The following RREB1 variants were observed in gnomAD, a reference collection of about 807,000 sequenced individuals.
RREB1 encodes the protein ras responsive element binding protein 1.
Under a neutral mutation model 117.8 loss-of-function variants are expected in RREB1, and 27 were observed. The ratio of observed to expected loss-of-function variants is 0.23; its 90% CI spans 0.17 to 0.32. RREB1 has a LOEUF of 0.32. RREB1 is among the 10% of genes least tolerant of loss of function. The pLI is 1.00. For synonymous variants in RREB1, 1,298 were observed against 1,026.7 expected (o/e 1.26, Z -5.05); for missense variants, 2,577 against 2,378.2 (o/e 1.08, Z -1.74).
At chr6:7,110,820 C>T (rs1761106334) in intron 1 of RREB1, among the ~76,000 whole-genome samples, 1 of 152,138 alleles carries the variant, frequency 6.6e-6, no homozygotes, top group Non-Finnish European at 1.5e-5. Flanking sequence ...GTGTAATACT[C>T]TTAAGAAATG....
chr6:7,203,283 G>A (rs1048160168), intron 6 of RREB1, among the ~76,000 whole-genome samples: 1 of 152,202 alleles, frequency 6.6e-6, no homozygotes, highest in Non-Finnish European at 1.5e-5. Context: ...CCTTGGCCCA[G>A]GAGTTTGAGG....
At chr6:7,227,214 C>T (rs745613089) in intron 9 of RREB1, among the ~76,000 whole-genome samples, 7 of 151,974 alleles carry the variant, frequency 4.6e-5, no homozygotes, top group African/African-American at 1.7e-4. Context: ...TGCACTCCAG[C>T]GTGGGTGGCA....
At chr6:7,206,397 C>CT (rs1448107351) in intron 6 of RREB1, among the ~76,000 whole-genome samples, 1 of 152,228 alleles carries the variant, frequency 6.6e-6, no homozygotes, top group African/African-American at 2.4e-5. Flanking sequence ...TAGTAATACT[C>CT]TGAGTGAAGC....
Position 7,246,451 on chromosome 6 carries a change from C to T in RREB1, c.4001C>T (p.Ala1334Val), listed in dbSNP as rs1028105322. The change falls in exon 12 of 13, where the codon GCC (alanine) becomes GTC (valine). Residue 1334 changes from alanine (A) to valine (V), a missense_variant. By Grantham distance (64) the Ala-to-Val change is moderately conservative (BLOSUM62 0). Coordinates refer to ENST00000379938, the MANE Select transcript of RREB1 (RefSeq NM_001003699.4). ...AGTCAGTCGGATGCGGAGACTGCAG[C>T]CGCCGCGGGCGAAGTGCTAGACCTC... ...TDSQSDAETA[A>V]AAGEVLDLTS... is the part of the protein sequence containing the mutation. 3.3e-6 allele frequency: 5 copies of T among 1,502,498 alleles called. No homozygotes were observed. In the African/African-American group the frequency reaches 4.2e-5, roughly 12 times the overall value. The allele number at this position is 1,502,498 out of a possible 1,614,324, so 93.1% of individuals were successfully genotyped here.
chr6:7,148,326 C>T (rs1343903088), intron 1 of RREB1, among the ~76,000 whole-genome samples: 6 of 152,198 alleles, frequency 3.9e-5, no homozygotes, highest in East Asian at 1.9e-4. Flanking sequence ...CAGAAGGAGA[C>T]ACATTGACAA....
At chr6:7,181,280 C>CCCAGGA (rs1764780809) in intron 3 of RREB1, 34 bp downstream of exon 3, 1 of 398,578 alleles carries the variant, frequency 2.5e-6, no homozygotes, top group South Asian at 1.3e-4. Context: ...GTTCTTCTTT[C>CCCAGGA]CCTCCTAGGG....
At chr6:7,187,337 A>G (rs553052629) in intron 4 of RREB1, 97 bp from the exon 5 acceptor site, 22 of 613,390 alleles carry the variant, frequency 3.6e-5, no homozygotes, top group Non-Finnish European at 6.1e-5. Context: ...GCTCTCAGCT[A>G]CATAGACACA....
Position 7,231,025 on chromosome 6 carries a change from G to A in RREB1, c.2926G>A (p.Gly976Ser), listed in dbSNP as rs952084282. The A allele has an allele frequency of 1.2e-5, 20 of 1,613,908 alleles. No individual in the cohort carries two copies. Among genetic ancestry groups the A allele is most frequent in the Admixed American group, 3.3e-5 (2 of 60,006 alleles). ...GCAGCCCTCTCCCTGCCCAGCACCCGGCCCTTCTCTTCCTGTAACTTTGGG... is the reference window on the plus strand; with the variant it reads ...GCAGCCCTCTCCCTGCCCAGCACCCAGCCCTTCTCTTCCTGTAACTTTGGG... ...SEQPSPCPAP[G>S]PSLPVTLGPS... The change falls in exon 10 of 13, where the codon GGC becomes AGC. Residue 976 changes from glycine (G) to serine (S), a missense_variant. Gly to Ser is a moderately conservative substitution (Grantham distance 56, BLOSUM62 0). Coordinates refer to ENST00000379938, the MANE Select transcript of RREB1 (RefSeq NM_001003699.4).
intron 10 of RREB1, among the ~76,000 whole-genome samples, chr6:7,235,773 C>T (rs1383585273): frequency 6.6e-6 from 1 of 152,192 alleles, no homozygotes. Flanking sequence ...TCTCAAAACA[C>T]GTGTTCTCCA....
At chr6:7,207,757 A>G (rs6597255) in intron 6 of RREB1, among the ~76,000 whole-genome samples, 90,085 of 152,086 alleles carry the variant, frequency 0.59, 27,219 homozygotes, top group East Asian at 0.8. Flanking sequence ...GGGGCTGTTC[A>G]CTTTTGAAAA....
intron 1 of RREB1, among the ~76,000 whole-genome samples, chr6:7,154,764 G>A (rs756544214): frequency 3.9e-5 from 6 of 152,136 alleles, no homozygotes; most frequent in East Asian, 1.9e-4. Context: ...ATGCAATTCC[G>A]CTTGTTCATC....
At chr6:7,129,566 A>T (rs1762070012) in intron 1 of RREB1, among the ~76,000 whole-genome samples, 1 of 152,356 alleles carries the variant, frequency 6.6e-6, no homozygotes, top group South Asian at 2.1e-4. Context: ...AAGAGGCAGC[A>T]CCCAGGATAT....
intron 1 of RREB1, among the ~76,000 whole-genome samples, chr6:7,141,443 G>A (rs1157953822): frequency 3.3e-5 from 5 of 152,166 alleles, no homozygotes; most frequent in Non-Finnish European, 7.3e-5. Flanking sequence ...AAGATTAGAA[G>A]ATGAGTGTGC....
At chr6:7,160,343 A>T (rs1328198646) in intron 1 of RREB1, among the ~76,000 whole-genome samples, 1 of 152,196 alleles carries the variant, frequency 6.6e-6, no homozygotes, top group African/African-American at 2.4e-5. Flanking sequence ...TTTAAAAAAA[A>T]ATAGTGACAT....
At chr6:7,159,901 G>A (rs1352888716) in intron 1 of RREB1, among the ~76,000 whole-genome samples, 1 of 152,128 alleles carries the variant, frequency 6.6e-6, no homozygotes, top group Non-Finnish European at 1.5e-5. Flanking sequence ...GGTTTCAAGG[G>A]TATGACTCTT....
intron 11 of RREB1, among the ~76,000 whole-genome samples, chr6:7,243,212 CA>C (rs1168920807): frequency 6.6e-6 from 1 of 152,214 alleles, no homozygotes; most frequent in Non-Finnish European, 1.5e-5. Flanking sequence ...GCACCCCTGC[CA>C]GGTCAGATAA....
At chr6:7,206,288 T>G (rs1395593739) in intron 6 of RREB1, among the ~76,000 whole-genome samples, 1 of 152,238 alleles carries the variant, frequency 6.6e-6, no homozygotes, top group Non-Finnish European at 1.5e-5. Flanking sequence ...TTGAAGTCCC[T>G]TCAGTGTGGC....
At chr6:7,247,857 T>C (rs977289769) in intron 12 of RREB1, among the ~76,000 whole-genome samples, 11 of 152,194 alleles carry the variant, frequency 7.2e-5, no homozygotes, top group Non-Finnish European at 1.0e-4. Context: ...GATATATCCT[T>C]CTTCTTTCCA....
chr6:7,238,306 C>T (rs893319762), intron 10 of RREB1, among the ~76,000 whole-genome samples: 1 of 152,224 alleles, frequency 6.6e-6, no homozygotes. Context: ...GGCACAATCT[C>T]TGCTCACTGC....
Sources: gnomAD v4.1 joint callset for allele counts (sites outside exome capture counted in the v4.1 genomes callset) on GRCh38, gnomAD v4.1.1 for gene constraint, MANE v1.5 for transcripts, NCBI Gene and HGNC (gene_info 2026-07-23, HGNC 2026-07-21) for gene names.